Variants in ADGRD1 observed in about 807,000 individuals in gnomAD.
The protein encoded by ADGRD1 is G-protein coupled receptor 133.
A neutral mutation model predicts 113.4 loss-of-function variants in ADGRD1; 77 were observed. That is an observed-to-expected ratio of 0.68 (90% CI 0.57 to 0.82). The LOEUF (loss-of-function observed/expected upper bound fraction) is 0.82. Among genes scored for constraint, ADGRD1 ranks in the 40% least tolerant of loss-of-function variants. The pLI is 0.00. For synonymous variants in ADGRD1, 474 were observed against 475.0 expected, an observed-to-expected ratio of 1.00 and a Z score of 0.03; for missense variants, 1,036 against 1,139.1, an observed-to-expected ratio of 0.91 and a Z score of 1.30.
chr12:130,963,184 G>T (rs1439627459), intron 2 of ADGRD1, among the ~76,000 whole-genome samples: 2 of 152,012 alleles, frequency 1.3e-5, no homozygotes, highest in East Asian at 1.9e-4. Context: ...GCCAGGCGTG[G>T]TGGCGGGCGC....
At chr12:130,972,654 G>A (rs567324310) in intron 4 of ADGRD1, among the ~76,000 whole-genome samples, 2 of 151,946 alleles carry the variant, frequency 1.3e-5, no homozygotes, top group African/African-American at 4.8e-5. Flanking sequence ...GCGTGAGCTC[G>A]GTGGCAGGGG....
intron 20 of ADGRD1, among the ~76,000 whole-genome samples, chr12:131,130,920 C>G (rs1487028598): frequency 6.6e-6 from 1 of 152,208 alleles, no homozygotes; most frequent in Non-Finnish European, 1.5e-5. Context: ...CCTGAAAGTT[C>G]GAGCCTGAGA....
intron 8 of ADGRD1, chr12:130,994,039 C>G: frequency 4.2e-6 from 1 of 238,976 alleles, no homozygotes; most frequent in Non-Finnish European, 9.0e-6. Context: ...CATGACCACA[C>G]CTGGGCCAAT....
rs116957914 is a variant in ADGRD1, at chr12:130,986,516, T to A, written c.491-579T>A. Among the ~76,000 whole-genome samples the A allele has an allele frequency of 9.9e-3, 1,504 of 152,364 alleles. 14 individuals are homozygous for A. Among genetic ancestry groups the A allele is most frequent in the Non-Finnish European group, 0.015 (990 of 68,032 alleles). ...AACCTTGTAGCCTGTAATCTTGCTA[T>A]GCTCACTCATTAGTTTCAGCTTTGT... On this transcript the variant is annotated intron_variant, in intron 5 of 24. Transcript: ENST00000261654.
intron 14 of ADGRD1, among the ~76,000 whole-genome samples, chr12:131,077,252 A>C (rs1885700370): frequency 6.6e-6 from 1 of 152,106 alleles, no homozygotes; most frequent in East Asian, 1.9e-4. Flanking sequence ...GGGTTGGGGG[A>C]GTGGCTTCTG....
chr12:131,086,722 C>T (rs932707823), intron 15 of ADGRD1, among the ~76,000 whole-genome samples: 1 of 152,204 alleles, frequency 6.6e-6, no homozygotes, highest in African/African-American at 2.4e-5. Context: ...CACTGGCCGA[C>T]GGGCAGCTGC....
chr12:131,055,656 GT>G (rs1270117066), intron 13 of ADGRD1, among the ~76,000 whole-genome samples: 1 of 152,186 alleles, frequency 6.6e-6, no homozygotes, highest in Non-Finnish European at 1.5e-5. Context: ...GGAAAACCTG[GT>G]TTAAACTGTT....
At chr12:131,098,429 G>A (rs1250667631) in intron 15 of ADGRD1, among the ~76,000 whole-genome samples, 2 of 152,138 alleles carry the variant, frequency 1.3e-5, no homozygotes, top group Non-Finnish European at 2.9e-5. Flanking sequence ...GAGGGACGAG[G>A]CTCCAGTGTA....
chr12:130,973,403 T>C (rs1226644892), intron 4 of ADGRD1: 3 of 152,284 alleles, frequency 2.0e-5, no homozygotes, highest in African/African-American at 7.2e-5. Context: ...AGCATGTTCC[T>C]GGCATGTGGT....
At chr12:131,020,732 G>T (rs951002923) in intron 13 of ADGRD1, among the ~76,000 whole-genome samples, 1 of 152,228 alleles carries the variant, frequency 6.6e-6, no homozygotes, top group African/African-American at 2.4e-5. Flanking sequence ...GCAGTGCGGG[G>T]GACCTGTGTC....
At chr12:130,985,834 G>A (rs572297355) in intron 5 of ADGRD1, among the ~76,000 whole-genome samples, 4 of 152,222 alleles carry the variant, frequency 2.6e-5, no homozygotes, top group African/African-American at 9.6e-5. Flanking sequence ...TTACAGGCGT[G>A]AGCCACTGCG....
intron 13 of ADGRD1, among the ~76,000 whole-genome samples, chr12:131,037,301 C>CTGGGT (rs1881594143): frequency 8.0e-6 from 1 of 124,336 alleles, no homozygotes; most frequent in Non-Finnish European, 1.7e-5. Context: ...ACTCACTGCA[C>CTGGGT]CAGGATCTTA....
chr12:131,021,605 G>A (rs762173434), intron 13 of ADGRD1, among the ~76,000 whole-genome samples: 1 of 152,122 alleles, frequency 6.6e-6, no homozygotes, highest in South Asian at 2.1e-4. Context: ...CAAGGTGTCG[G>A]TAGGTTTGGT....
chr12:131,013,277 C>T (rs905029569), intron 12 of ADGRD1, among the ~76,000 whole-genome samples: 15 of 152,092 alleles, frequency 9.9e-5, no homozygotes, highest in South Asian at 2.1e-4. Flanking sequence ...TCACGTAAGC[C>T]GAGAGCTCTG....
intron 13 of ADGRD1, among the ~76,000 whole-genome samples, chr12:131,052,518 C>A (rs975800245): frequency 9.9e-5 from 15 of 152,200 alleles, no homozygotes; most frequent in Non-Finnish European, 2.2e-4. Flanking sequence ...CAGGGCTCTC[C>A]TGGAGGTCTG....
At chr12:131,018,636 A>G (rs930088734) in intron 13 of ADGRD1, among the ~76,000 whole-genome samples, 2 of 152,232 alleles carry the variant, frequency 1.3e-5, no homozygotes, top group African/African-American at 4.8e-5. Flanking sequence ...GTGCAAAATA[A>G]AATAGAAAAG....
chr12:131,010,791 C>T (rs1039480492), intron 12 of ADGRD1, among the ~76,000 whole-genome samples: 1 of 152,126 alleles, frequency 6.6e-6, no homozygotes, highest in Admixed American at 6.5e-5. Flanking sequence ...GGGCCAGGAA[C>T]AAGAATGGGG....
Position 131,128,741 on chromosome 12 carries a change from T to C in ADGRD1, c.2176-2984T>C, listed in dbSNP as rs538889292. On this transcript the variant is annotated intron_variant, in intron 20 of 24. Coordinates refer to ENST00000261654, the MANE Select transcript of ADGRD1 (RefSeq NM_198827.5). ...ACTACATACCCACCCCATGGCGGCC[T>C]TCAGTGTATGTGGGGTGTGGCTTCT... Among the ~76,000 whole-genome samples, 8 of 152,272 alleles carry C rather than the reference T, an allele frequency of 5.3e-5. No individual in the cohort carries two copies. The South Asian group carries it at 1.7e-3, about 32-fold the overall frequency.
Position 130,992,305 on chromosome 12 carries a change from C to T in ADGRD1, c.879C>T (p.Pro293=), listed in dbSNP as rs778881478. 1.7e-5 allele frequency: 27 copies of T among 1,613,078 alleles called. No individual in the cohort carries two copies. The highest frequency in any genetic ancestry group is 7.7e-5 in the South Asian group (7 of 91,042). The stretch of plus-strand genomic sequence containing the variant: ...AAGAGAGAAAAACCTTCCAAAGTCC[C>T]GGAGTGATACTGAGTTACCTCCAAA... ...LTEERKTFQS[P]GVILSYLQNV... is the part of the protein sequence containing the mutation. The change falls in exon 8 of 25, where the codon CCC becomes CCT. Residue 293 remains proline, a synonymous_variant. Transcript: ENST00000261654.
Sources: gnomAD v4.1 joint callset for allele counts (sites outside exome capture counted in the v4.1 genomes callset) on GRCh38, gnomAD v4.1.1 for gene constraint, MANE v1.5 for transcripts, NCBI Gene and HGNC (gene_info 2026-07-23, HGNC 2026-07-21) for gene names.